The following ZNF721 variants were observed in gnomAD, a reference collection of about 807,000 sequenced individuals.
The protein encoded by ZNF721 is zinc finger protein 721.
In ZNF721, 2 loss-of-function variants were observed where a neutral mutation model predicts 2.4. That is an observed-to-expected ratio of 0.82 (90% CI 0.34 to 2.58). The LOEUF is 2.58. Among genes scored for constraint, ZNF721 ranks in the 30% most tolerant of loss-of-function variants. ZNF721 has a pLI of 0.11. For synonymous variants in ZNF721, 398 were observed against 381.8 expected (o/e 1.04, Z -0.50); for missense variants, 1,187 against 1,085.5 (o/e 1.09, Z -1.31).
chr4:491,628 A>G (rs1716024966), intron 1 of ZNF721, among the ~76,000 whole-genome samples: 1 of 152,270 alleles, frequency 6.6e-6, no homozygotes. Context: ...TAACTAAAAA[A>G]TAAACACAAA....
At position 459,704 on chromosome 4, in the gene ZNF721, G is replaced by A. The variant is rs541883813; in HGVS notation, c.34+12871C>T. Among the ~76,000 whole-genome samples, 177 of 152,064 alleles carry A rather than the reference G, an allele frequency of 1.2e-3. 1 individual carries two copies. Among genetic ancestry groups the A allele is most frequent in the South Asian group, 2.9e-3 (14 of 4,816 alleles). On this transcript the variant is annotated intron_variant, in intron 2 of 2. Coordinates refer to ENST00000511833, the MANE Select transcript of ZNF721 (RefSeq NM_133474.4). ...AAATTAGCCGGGCGTGGTGGCGGGC[G>A]CCTGTAGTCCCAGCTACTCAGGAGG...
intron 1 of ZNF721, among the ~76,000 whole-genome samples, chr4:490,656 G>A (rs1715997851): frequency 6.6e-6 from 1 of 152,140 alleles, no homozygotes. Flanking sequence ...CCACAGGCCA[G>A]AAAGGTTATG....
intron 2 of ZNF721, among the ~76,000 whole-genome samples, chr4:454,885 T>C (rs1039982423): frequency 2.6e-5 from 4 of 152,226 alleles, no homozygotes; most frequent in African/African-American, 9.6e-5. Context: ...CAAAAACAAG[T>C]TGATCTTTTT....
chr4:474,090 T>G lies in ZNF721; in HGVS notation c.-93-1389A>C, dbSNP rs1040617474. The G allele has an allele frequency of 3.7e-6, 5 of 1,348,220 alleles. No individual in the cohort carries two copies. In the African/African-American group the frequency reaches 7.3e-5, roughly 20 times the overall value. 83.5% of individuals were successfully genotyped at this position (1,348,220 alleles called of 1,614,324 possible). On this transcript the variant is annotated intron_variant, in intron 1 of 2. Transcript: ENST00000511833. The stretch of plus-strand genomic sequence containing the variant: ...TCTGGCAAAATCACCGAGGCCTCCC[T>G]GAGGTGTGGAAGCAGGGAAGTGAGG...
rs1714235205 is a variant in ZNF721, at chr4:441,553, TTATGAA to T, written c.*136_*141del. On this transcript the variant is annotated 3_prime_UTR_variant, in exon 3 of 3. Transcript: ENST00000511833. The stretch of plus-strand genomic sequence containing the variant: ...TTTCACATTTTAGAGTTTCTCTTCA[TTATGAA>T]TTATCTTATGATTAGAAAGGATTGA... 5.7e-6 allele frequency: 4 copies of T among 698,510 alleles called. No individual in the cohort carries two copies. Among genetic ancestry groups the T allele is most frequent in the Non-Finnish European group, 9.2e-6 (4 of 435,996 alleles). The allele number at this position is 698,510 out of a possible 1,614,324, so 43.3% of individuals were successfully genotyped here.
chr4:459,528 C>A (rs1296911661), intron 2 of ZNF721, among the ~76,000 whole-genome samples: 2 of 151,338 alleles, frequency 1.3e-5, no homozygotes, highest in Non-Finnish European at 1.5e-5. Context: ...TTTAAACCAA[C>A]AAAGATAAAA....
At chr4:463,464 TA>T (rs1553866339) in intron 2 of ZNF721, among the ~76,000 whole-genome samples, 1 of 152,202 alleles carries the variant, frequency 6.6e-6, no homozygotes, top group Non-Finnish European at 1.5e-5. Flanking sequence ...CACGTATTTT[TA>T]TTGCAGCACT....
intron 1 of ZNF721, among the ~76,000 whole-genome samples, chr4:484,894 T>G (rs1297641591): frequency 1.3e-5 from 2 of 152,206 alleles, no homozygotes; most frequent in Non-Finnish European, 2.9e-5. Flanking sequence ...CTCCCTCCCC[T>G]TTTGAAAATC....
chr4:472,903 T>A (rs576448657), intron 1 of ZNF721, among the ~76,000 whole-genome samples: 19 of 152,146 alleles, frequency 1.2e-4, no homozygotes, highest in African/African-American at 4.6e-4. Flanking sequence ...ATAAAAATAA[T>A]GGGCTACACT....
chr4:495,413 C>T (rs1553872085), intron 1 of ZNF721, among the ~76,000 whole-genome samples: 1 of 146,228 alleles, frequency 6.8e-6, no homozygotes, highest in African/African-American at 2.5e-5. Context: ...TAAACATGCA[C>T]ACATACACAC....
intron 2 of ZNF721, among the ~76,000 whole-genome samples, chr4:460,346 T>C: frequency 6.6e-6 from 1 of 152,002 alleles, no homozygotes; most frequent in East Asian, 1.9e-4. Context: ...ACTGGGTAAA[T>C]AACGAAATTA....
At chr4:483,998 G>A (rs1553869886) in intron 1 of ZNF721, among the ~76,000 whole-genome samples, 3 of 152,136 alleles carry the variant, frequency 2.0e-5, no homozygotes, top group Non-Finnish European at 2.9e-5. Flanking sequence ...TTTTAGTAGA[G>A]ACGGGGTTTC....
At chr4:460,801 A>G (rs1715041982) in intron 2 of ZNF721, among the ~76,000 whole-genome samples, 1 of 152,210 alleles carries the variant, frequency 6.6e-6, no homozygotes, top group Non-Finnish European at 1.5e-5. Context: ...AACTACCATC[A>G]GAGAATACGA....
chr4:473,357 T>C (rs539636578), intron 1 of ZNF721, among the ~76,000 whole-genome samples: 4 of 152,142 alleles, frequency 2.6e-5, no homozygotes, highest in Non-Finnish European at 2.9e-5. Flanking sequence ...ACAGAGTCCC[T>C]TACCCCAACA....
chr4:498,304 C>T lies in ZNF721; in HGVS notation c.-94+752G>A, dbSNP rs367682195. ...TGGAACAGGGAGGGGGCTTCCAGGTCACAGGTAGGTGACAGACAAATGGTT... is the reference window on the plus strand; with the variant it reads ...TGGAACAGGGAGGGGGCTTCCAGGTTACAGGTAGGTGACAGACAAATGGTT... On this transcript the variant is annotated intron_variant, in intron 1 of 2. Transcript: ENST00000511833. Among the ~76,000 whole-genome samples the T allele has an allele frequency of 3.3e-5, 5 of 150,872 alleles. No homozygotes were observed. The East Asian group carries it at 7.8e-4, about 24-fold the overall frequency.
rs2108688050 is a variant in ZNF721 at position 443,150 on chromosome 4, A to T, written c.1317T>A (p.His439Gln). ...TACATTTGTAGGGTTTATCTCCAGT[A>T]TGAATTTTCTTATATTCATTCAGGT... The part of the protein sequence containing the change: ...STNLNEYKKI[H>Q]TGDKPYKCKE... Residue 439 changes from histidine (H) to glutamine (Q), a missense_variant, in exon 3 of 3, where the codon CAT (histidine) becomes CAA (glutamine). Physicochemically the swap from His to Gln is conservative, Grantham distance 24. Coordinates refer to ENST00000511833, the MANE Select transcript of ZNF721 (RefSeq NM_133474.4). 3.1e-6 allele frequency: 5 copies of T among 1,613,874 alleles called. No homozygotes were observed. The African/African-American group carries it at 6.7e-5, about 22-fold the overall frequency.
intron 1 of ZNF721, among the ~76,000 whole-genome samples, chr4:489,407 C>T (rs1345936100): frequency 6.6e-6 from 1 of 152,222 alleles, no homozygotes; most frequent in Non-Finnish European, 1.5e-5. Context: ...GCTTTACTCA[C>T]TCTCTGGTGT....
At chr4:476,139 C>G (rs536711746) in intron 1 of ZNF721, among the ~76,000 whole-genome samples, 20 of 152,234 alleles carry the variant, frequency 1.3e-4, no homozygotes, top group Admixed American at 5.9e-4. Context: ...GCAGTCAATC[C>G]AACTCATGGT....
intron 2 of ZNF721, among the ~76,000 whole-genome samples, chr4:468,505 C>T (rs1715329008): frequency 6.6e-6 from 1 of 152,112 alleles, no homozygotes; most frequent in South Asian, 2.1e-4. Flanking sequence ...GTATTTGGGC[C>T]ATCATATGCA....
Sources: allele counts gnomAD v4.1 joint callset (sites outside exome capture counted in the v4.1 genomes callset), GRCh38; gene constraint gnomAD v4.1.1; transcripts MANE v1.5; gene names NCBI Gene and HGNC (gene_info 2026-07-23, HGNC 2026-07-21).